ERG: variants seen among roughly 807,000 people sequenced by gnomAD.
ERG encodes transcriptional regulator ERG.
In ERG, 9 loss-of-function variants were observed where a neutral mutation model predicts 55.3. The ratio of observed to expected loss-of-function variants is 0.16; its 90% CI spans 0.10 to 0.28. The LOEUF is 0.28. ERG is among the 10% of genes least tolerant of loss of function. The pLI, the probability that ERG is intolerant of heterozygous loss-of-function variation, is 1.00. For synonymous variants in ERG, 223 were observed against 237.3 expected, an observed-to-expected ratio of 0.94 and a Z score of 0.55; for missense variants, 434 against 631.6, an observed-to-expected ratio of 0.69 and a Z score of 3.35.
intron 3 of ERG, among the ~76,000 whole-genome samples, chr21:38,411,422 C>T (rs1445114682): frequency 2.6e-5 from 4 of 152,108 alleles, no homozygotes; most frequent in South Asian, 2.1e-4. Context: ...GGTTCAACTG[C>T]CTCAGCCTCC....
At chr21:38,433,819 G>A (rs144026134) in intron 2 of ERG, among the ~76,000 whole-genome samples, 40 of 152,260 alleles carry the variant, frequency 2.6e-4, no homozygotes, top group Admixed American at 2.2e-3. Flanking sequence ...ATGTAATTGC[G>A]GAAATCAATA....
intron 1 of ERG, among the ~76,000 whole-genome samples, chr21:38,592,959 AT>A (rs1171044091): frequency 1.3e-5 from 2 of 152,080 alleles, no homozygotes; most frequent in African/African-American, 2.4e-5. Context: ...CCCATTTTTT[AT>A]GTGTGTGTCA....
chr21:38,389,350 G>A (rs1437995347), intron 9 of ERG, among the ~76,000 whole-genome samples: 1 of 152,092 alleles, frequency 6.6e-6, no homozygotes, highest in East Asian at 1.9e-4. Context: ...ATGAGACACA[G>A]AAGGGACCAC....
At chr21:38,433,174 G>T (rs947492572) in intron 2 of ERG, among the ~76,000 whole-genome samples, 1 of 152,182 alleles carries the variant, frequency 6.6e-6, no homozygotes, top group Admixed American at 6.5e-5. Context: ...GCCCAGCAGG[G>T]TGCATGTTTT....
At chr21:38,468,809 C>T (rs1205888457) in intron 1 of ERG, among the ~76,000 whole-genome samples, 2 of 151,794 alleles carry the variant, frequency 1.3e-5, no homozygotes, top group Non-Finnish European at 2.9e-5. Flanking sequence ...CACGGTGAAA[C>T]CCTGTCTCCA....
chr21:38,403,883 C>T (rs1233111878), intron 3 of ERG, among the ~76,000 whole-genome samples, 174 bp from the exon 4 acceptor site: 1 of 152,206 alleles, frequency 6.6e-6, no homozygotes, highest in African/African-American at 2.4e-5. Flanking sequence ...AGCTGCCTCA[C>T]ATCCATAGAT....
intron 2 of ERG, among the ~76,000 whole-genome samples, chr21:38,532,811 G>A (rs1037374707): frequency 2.6e-5 from 4 of 152,114 alleles, no homozygotes; most frequent in South Asian, 2.1e-4. Flanking sequence ...TGTTCTCATC[G>A]GTGATTTATA....
chr21:38,452,469 C>T (rs950074697), intron 1 of ERG, among the ~76,000 whole-genome samples: 4 of 152,136 alleles, frequency 2.6e-5, no homozygotes, highest in African/African-American at 9.7e-5. Context: ...ACAAAAATAT[C>T]ATACATATGT....
chr21:38,397,461 G>A (rs1232911726), intron 6 of ERG, among the ~76,000 whole-genome samples: 1 of 152,042 alleles, frequency 6.6e-6, no homozygotes, highest in East Asian at 1.9e-4. Context: ...AGCTGGGCAT[G>A]ATGGCATGCG....
Position 38,656,938 on chromosome 21 carries a change from T to C in ERG, c.-150+4720A>G, listed in dbSNP as rs980938390. 2.0e-4 allele frequency among the ~76,000 whole-genome samples: 30 copies of C among 152,314 alleles called. No homozygotes were observed. In the East Asian group the frequency reaches 5.2e-3, roughly 26 times the overall value. On this transcript the variant is annotated intron_variant, in intron 1 of 10. Transcript: ENST00000398910. ...GGTAATAATTACTGCAATAATGTTA[T>C]CCTTAAAAGGGAGCACATATAAGAC...
intron 2 of ERG, among the ~76,000 whole-genome samples, chr21:38,506,228 TTA>T (rs1489356381): frequency 6.6e-6 from 1 of 152,192 alleles, no homozygotes; most frequent in Non-Finnish European, 1.5e-5. Context: ...TACAATAATT[TTA>T]GATTGTTCAA....
chr21:38,426,914 G>A (rs7281462), intron 2 of ERG, among the ~76,000 whole-genome samples: 5,559 of 140,746 alleles, frequency 0.039, 271 homozygotes, highest in East Asian at 0.22. Context: ...TGGGCAACAA[G>A]AGCAAGACTC....
chr21:38,386,841 G>C (rs967838052), intron 9 of ERG, among the ~76,000 whole-genome samples: 3 of 151,804 alleles, frequency 2.0e-5, no homozygotes, highest in African/African-American at 7.3e-5. Flanking sequence ...CAGTAAGGAG[G>C]AACTAATTTT....
the ERG span, among the ~76,000 whole-genome samples, chr21:38,368,127 C>A: frequency 6.6e-6 from 1 of 152,138 alleles, no homozygotes; most frequent in East Asian, 1.9e-4. Flanking sequence ...TAGAACATTG[C>A]CAGGCTCTTA....
chr21:38,390,359 G>T (rs995490736), intron 9 of ERG, among the ~76,000 whole-genome samples: 1 of 152,172 alleles, frequency 6.6e-6, no homozygotes, highest in Non-Finnish European at 1.5e-5. Context: ...TATTTTATCT[G>T]CTTGTATAAT....
At chr21:38,520,713 A>C (rs2059588296) in intron 2 of ERG, among the ~76,000 whole-genome samples, 1 of 152,190 alleles carries the variant, frequency 6.6e-6, no homozygotes, top group African/African-American at 2.4e-5. Context: ...ACCTATCAGG[A>C]CTGGTGATTG....
At chr21:38,607,980 A>G (rs951447139) in intron 1 of ERG, among the ~76,000 whole-genome samples, 1 of 152,198 alleles carries the variant, frequency 6.6e-6, no homozygotes, top group African/African-American at 2.4e-5. Flanking sequence ...AGAGTGTATA[A>G]CATTCCCAAA....
intron 2 of ERG, among the ~76,000 whole-genome samples, chr21:38,549,236 T>C (rs934157007): frequency 2.6e-5 from 4 of 152,308 alleles, no homozygotes; most frequent in African/African-American, 9.6e-5. Context: ...TCTTCCTAGA[T>C]GTTTCCTGCA....
At chr21:38,623,609 G>A (rs1456595210) in intron 1 of ERG, among the ~76,000 whole-genome samples, 1 of 152,236 alleles carries the variant, frequency 6.6e-6, no homozygotes, top group Non-Finnish European at 1.5e-5. Context: ...GAGCTCATGT[G>A]TGTGTTAGTT....
Sources: allele counts gnomAD v4.1 joint callset (sites outside exome capture counted in the v4.1 genomes callset), GRCh38; gene constraint gnomAD v4.1.1; transcripts MANE v1.5; gene names NCBI Gene and HGNC (gene_info 2026-07-23, HGNC 2026-07-21).